The following SNCAIP variants were observed in gnomAD, a reference collection of about 807,000 sequenced individuals.
SNCAIP encodes synphilin-1.
SNCAIP carries 43 observed loss-of-function variants against 86.7 expected under a neutral mutation model. The observed-to-expected ratio is 0.50, with a 90% CI of 0.39 to 0.64. The LOEUF (loss-of-function observed/expected upper bound fraction) is 0.64. Ranked by LOEUF, SNCAIP falls within the 30% of genes least tolerant of loss-of-function variation. SNCAIP has a pLI of 0.00. For missense variants in SNCAIP, 981 were observed against 1,103.1 expected (o/e 0.89, Z 1.57); for synonymous variants, 417 against 427.2 (o/e 0.98, Z 0.29).
intron 1 of SNCAIP, among the ~76,000 whole-genome samples, chr5:122,318,071 C>T (rs1240409097): frequency 6.6e-6 from 1 of 152,118 alleles, no homozygotes; most frequent in African/African-American, 2.4e-5. Flanking sequence ...AAAGTACAGG[C>T]TCCTACCATG....
rs575943838 is a variant in SNCAIP at position 122,336,467 on chromosome 5, A to T, written c.-47+24183A>T. On this transcript the variant is annotated intron_variant, in intron 1 of 10. Transcript: ENST00000261368. ...TGTCCTTCATTGTTCTAGTCCCTGG[A>T]CCATAGAGGTTTTCTATTTCAGTAG... Among the ~76,000 whole-genome samples the T allele has an allele frequency of 6.6e-5, 10 of 152,316 alleles. No homozygotes were observed. The East Asian group carries it at 1.9e-3, about 29-fold the overall frequency.
At chr5:122,325,768 G>A (rs185617515) in intron 1 of SNCAIP, among the ~76,000 whole-genome samples, 33 of 152,102 alleles carry the variant, frequency 2.2e-4, no homozygotes, top group African/African-American at 4.8e-4. Flanking sequence ...CAAAGTATTC[G>A]CAATATTTTT....
At chr5:122,439,426 C>G (rs1247607385) in intron 6 of SNCAIP, among the ~76,000 whole-genome samples, 3 of 152,176 alleles carry the variant, frequency 2.0e-5, no homozygotes, top group Non-Finnish European at 4.4e-5. Flanking sequence ...GGGTCTTACT[C>G]CCTGGTGCTC....
At chr5:122,312,833 C>G (rs114281503) in intron 1 of SNCAIP, 1 of 152,496 alleles carries the variant, frequency 6.6e-6, no homozygotes, top group East Asian at 1.9e-4. Context: ...TAGTGCTGTT[C>G]TGCGTCCCAG....
chr5:122,380,226 T>C (rs1237765415), intron 1 of SNCAIP, among the ~76,000 whole-genome samples: 1 of 152,220 alleles, frequency 6.6e-6, no homozygotes, highest in Non-Finnish European at 1.5e-5. Context: ...GCTCCTGTTA[T>C]TGGTCTATTC....
intron 2 of SNCAIP, among the ~76,000 whole-genome samples, chr5:122,400,804 A>C (rs1008037856): frequency 6.6e-6 from 1 of 152,240 alleles, no homozygotes; most frequent in Non-Finnish European, 1.5e-5. Flanking sequence ...CCTTTGGCAG[A>C]GCTCTTCTTC....
At chr5:122,318,495 C>G (rs1319793347) in intron 1 of SNCAIP, among the ~76,000 whole-genome samples, 2 of 152,066 alleles carry the variant, frequency 1.3e-5, no homozygotes, top group East Asian at 3.9e-4. Context: ...AGTGCCTTGC[C>G]CACCATGTAT....
chr5:122,385,432 C>G (rs1767909389), intron 1 of SNCAIP, among the ~76,000 whole-genome samples: 1 of 152,220 alleles, frequency 6.6e-6, no homozygotes, highest in Admixed American at 6.5e-5. Context: ...TGCCATGCTT[C>G]TGGCCACTGT....
intron 1 of SNCAIP, among the ~76,000 whole-genome samples, chr5:122,323,159 G>A (rs1753329761): frequency 2.6e-5 from 4 of 152,166 alleles, no homozygotes; most frequent in Non-Finnish European, 5.9e-5. Context: ...GCGCCTCAGA[G>A]AAGAGCAGTC....
chr5:122,450,685 A>G lies in SNCAIP; in HGVS notation c.1838A>G (p.Asp613Gly). The change falls in exon 10 of 11, where the codon GAT becomes GGT. Residue 613 changes from aspartate to glycine, a missense_variant. By Grantham distance (94) the Asp-to-Gly change is moderately conservative (BLOSUM62 -1). Coordinates refer to ENST00000261368, the MANE Select transcript of SNCAIP (RefSeq NM_005460.4). ...AGCCGGGCTAGACCCAAAGCAAAAG[A>G]TGAAGATTCTGATAAAATCTTACGC... ...ASSRARPKAK[D>G]EDSDKILRQL... 1.2e-6 allele frequency: 2 copies of G among 1,614,222 alleles called. No homozygotes were observed. Among genetic ancestry groups the G allele is most frequent in the Non-Finnish European group, 1.7e-6 (2 of 1,180,032 alleles).
rs1763490465 is a variant in SNCAIP, at chr5:122,367,867, A to G, written c.-46-23222A>G. ...TTGTCTCGTACCTGTGTGTGCATAAATTATATATATATATACATACAAACA... is the reference window on the plus strand; with the variant it reads ...TTGTCTCGTACCTGTGTGTGCATAAGTTATATATATATATACATACAAACA... On this transcript the variant is annotated intron_variant, in intron 1 of 10. Transcript: ENST00000261368. 2.0e-5 allele frequency among the ~76,000 whole-genome samples: 3 copies of G among 152,222 alleles called. No individual in the cohort carries two copies. The South Asian group carries it at 6.2e-4, about 32-fold the overall frequency.
chr5:122,395,472 C>T (rs1373795316), intron 2 of SNCAIP, among the ~76,000 whole-genome samples: 2 of 152,194 alleles, frequency 1.3e-5, no homozygotes. Flanking sequence ...TATCCTTCCA[C>T]TTTTCAATCC....
intron 1 of SNCAIP, among the ~76,000 whole-genome samples, chr5:122,339,392 A>G (rs1190003919): frequency 1.3e-5 from 2 of 152,348 alleles, no homozygotes; most frequent in Admixed American, 6.5e-5. Flanking sequence ...AATCTTCAAA[A>G]TAGAATCAAA....
At chr5:122,420,585 A>T (rs915619329) in intron 3 of SNCAIP, among the ~76,000 whole-genome samples, 39 of 151,480 alleles carry the variant, frequency 2.6e-4, no homozygotes, top group South Asian at 8.3e-4. Flanking sequence ...GTATATATAT[A>T]TTTTTTTTTC....
chr5:122,417,780 A>C (rs1167059688), intron 3 of SNCAIP, among the ~76,000 whole-genome samples: 1 of 151,582 alleles, frequency 6.6e-6, no homozygotes, highest in Non-Finnish European at 1.5e-5. Flanking sequence ...AGATTAAGTC[A>C]TTGGTCCCCA....
chr5:122,440,779 A>AT, intron 7 of SNCAIP, 25 bp downstream of exon 7: 1 of 1,607,216 alleles, frequency 6.2e-7, no homozygotes, highest in South Asian at 1.1e-5. Context: ...CTGTTTTGCA[A>AT]TGAGAAATGA....
chr5:122,330,761 GT>G (rs1755158587), intron 1 of SNCAIP, among the ~76,000 whole-genome samples: 1 of 152,088 alleles, frequency 6.6e-6, no homozygotes, highest in Admixed American at 6.6e-5. Flanking sequence ...GGAGGGGATA[GT>G]TTCAGGATGA....
At chr5:122,413,011 T>A (rs1485064993) in intron 3 of SNCAIP, among the ~76,000 whole-genome samples, 1 of 152,204 alleles carries the variant, frequency 6.6e-6, no homozygotes, top group Admixed American at 6.5e-5. Flanking sequence ...TATTTGGAGG[T>A]GGGATCTTTG....
intron 2 of SNCAIP, 103 bp from the exon 3 acceptor site, chr5:122,403,690 G>A (rs1772331108): frequency 1.1e-6 from 1 of 917,502 alleles, no homozygotes; most frequent in Non-Finnish European, 1.8e-6. Context: ...TATACATGTT[G>A]TGCCCAAGTA....
Sources: allele counts gnomAD v4.1 joint callset (sites outside exome capture counted in the v4.1 genomes callset), GRCh38; gene constraint gnomAD v4.1.1; transcripts MANE v1.5; gene names NCBI Gene and HGNC (gene_info 2026-07-23, HGNC 2026-07-21).